PI4K2B: variants seen among roughly 807,000 people sequenced by gnomAD.
The protein encoded by PI4K2B is phosphatidylinositol 4-kinase type 2-beta.
PI4K2B carries 46 observed loss-of-function variants against 56.6 expected under a neutral mutation model. That is an observed-to-expected ratio of 0.81 (90% CI 0.64 to 1.04). PI4K2B has a LOEUF of 1.04. Ranked by LOEUF, PI4K2B falls within the 50% of genes least tolerant of loss-of-function variation. PI4K2B has a pLI of 0.00. For missense variants in PI4K2B, 556 were observed against 607.7 expected (o/e 0.91, Z 0.89); for synonymous variants, 211 against 223.8 (o/e 0.94, Z 0.51).
intron 6 of PI4K2B, among the ~76,000 whole-genome samples, chr4:25,260,869 AT>A (rs60224286): frequency 0.14 from 14,395 of 105,464 alleles, 795 homozygotes; most frequent in East Asian, 0.25. Context: ...TTGATTCTTG[AT>A]TTTTTTTTTT....
At chr4:25,258,260 T>G (rs1041885589) in intron 4 of PI4K2B, among the ~76,000 whole-genome samples, 10 of 144,908 alleles carry the variant, frequency 6.9e-5, no homozygotes, top group African/African-American at 2.5e-4. Flanking sequence ...TAGGTTGGAG[T>G]GCAGTGGTGC....
At position 25,272,687 on chromosome 4, in the gene PI4K2B, A is replaced by C. The variant is rs140611822; in HGVS notation, c.1272+3484A>C. Among the ~76,000 whole-genome samples the C allele has an allele frequency of 2.5e-3, 383 of 152,150 alleles. 2 individuals are homozygous for C. The highest frequency in any genetic ancestry group is 0.013 in the South Asian group (62 of 4,826). On this transcript the variant is annotated intron_variant, in intron 9 of 9. Transcript: ENST00000264864. ...ACCAAGACCTCATCTCTTAAGAAGA[A>C]GGGAAAAAAAGATCTAAAAAATCAG... is the stretch of plus-strand genomic sequence containing the variant.
intron 1 of PI4K2B, among the ~76,000 whole-genome samples, chr4:25,249,572 C>T (rs1277114639): frequency 6.9e-6 from 1 of 145,924 alleles, no homozygotes; most frequent in African/African-American, 2.6e-5. Flanking sequence ...GGGCTCCTCA[C>T]TTCCCAGATG....
chr4:25,263,598 TG>T, intron 6 of PI4K2B, 151 bp from the exon 7 acceptor site: 1 of 434,092 alleles, frequency 2.3e-6, no homozygotes. Context: ...CTTCCATTCC[TG>T]TGTGAATTTG....
At chr4:25,237,298 A>G (rs1230999165) in intron 1 of PI4K2B, among the ~76,000 whole-genome samples, 1 of 152,068 alleles carries the variant, frequency 6.6e-6, no homozygotes, top group East Asian at 1.9e-4. Flanking sequence ...TATGCTTCAT[A>G]TATATTAATT....
chr4:25,276,268 A>G (rs949632123), intron 9 of PI4K2B: 2 of 243,356 alleles, frequency 8.2e-6, no homozygotes, highest in African/African-American at 2.3e-5. Context: ...CCTTATTTGC[A>G]TGCCCAAGTA....
chr4:25,274,011 T>G (rs1717007661), intron 9 of PI4K2B, among the ~76,000 whole-genome samples: 1 of 152,166 alleles, frequency 6.6e-6, no homozygotes, highest in African/African-American at 2.4e-5. Context: ...GAAACAGTTT[T>G]TCTTCCAACA....
In PI4K2B at chr4:25,243,211, G is replaced by A. The variant is rs181621736; in HGVS notation, c.268+8780G>A. ...GATGACATGAGCTGGCGCTTGCCCC[G>A]GGCACCCTCAGTCCTGTTGTTGGAT... On this transcript the variant is annotated intron_variant, in intron 1 of 9. Coordinates refer to ENST00000264864, the MANE Select transcript of PI4K2B (RefSeq NM_018323.4). Among the ~76,000 whole-genome samples, 539 of 152,254 alleles carry A rather than the reference G, an allele frequency of 3.5e-3. 9 individuals are homozygous for A. The highest frequency in any genetic ancestry group is 0.032 in the Admixed American group (489 of 15,292).
At chr4:25,248,015 A>AT (rs1715869268) in intron 1 of PI4K2B, among the ~76,000 whole-genome samples, 2 of 152,054 alleles carry the variant, frequency 1.3e-5, no homozygotes, top group Admixed American at 6.6e-5. Flanking sequence ...GTGAACATCT[A>AT]TTTTTTTCTG....
rs1715943144 is a variant in PI4K2B, at chr4:25,249,424, GCTGGCCGGGCGGGGGCTGCCCCCCGC to G, written c.269-2894_269-2869del. ...GCCCCTCCACCCCCCGGACAGGGCG[GCTGGCCGGGCGGGGGCTGCCCCCCGC>G]CTCCCGGATGGGGCGGCTGGCCGGG... On this transcript the variant is annotated intron_variant, in intron 1 of 9. Transcript: ENST00000264864. 8.1e-5 allele frequency among the ~76,000 whole-genome samples: 12 copies of G among 147,984 alleles called. No homozygotes were observed. The East Asian group carries it at 1.7e-3, about 21-fold the overall frequency.
At chr4:25,242,269 A>G (rs1715556787) in intron 1 of PI4K2B, among the ~76,000 whole-genome samples, 2 of 152,196 alleles carry the variant, frequency 1.3e-5, no homozygotes, top group South Asian at 4.1e-4. Flanking sequence ...AGCCAAAAGT[A>G]AATCATCCAC....
chr4:25,264,633 G>T (rs1331721334), intron 7 of PI4K2B, among the ~76,000 whole-genome samples: 28 of 151,602 alleles, frequency 1.8e-4, no homozygotes, highest in Admixed American at 1.8e-3. Context: ...GCACTTTGGG[G>T]GCTGAGGCTA....
At chr4:25,248,977 G>A (rs1429520877) in intron 1 of PI4K2B, among the ~76,000 whole-genome samples, 1 of 152,096 alleles carries the variant, frequency 6.6e-6, no homozygotes, top group African/African-American at 2.4e-5. Flanking sequence ...CAGTGTTTGT[G>A]TCTCTGGGTA....
intron 1 of PI4K2B, among the ~76,000 whole-genome samples, chr4:25,248,235 C>A (rs1253452796): frequency 6.6e-6 from 1 of 152,100 alleles, no homozygotes; most frequent in African/African-American, 2.4e-5. Context: ...ATTTTTAGTT[C>A]TCCATTTTTA....
At chr4:25,250,206 G>A (rs985242936) in intron 1 of PI4K2B, among the ~76,000 whole-genome samples, 4 of 152,126 alleles carry the variant, frequency 2.6e-5, no homozygotes, top group Admixed American at 6.5e-5. Flanking sequence ...GAGGGAGACC[G>A]TGCAAAGAAG....
At chr4:25,242,089 T>G (rs1461325082) in intron 1 of PI4K2B, among the ~76,000 whole-genome samples, 3 of 152,232 alleles carry the variant, frequency 2.0e-5, no homozygotes, top group Non-Finnish European at 4.4e-5. Context: ...CAGTATAGGC[T>G]GTATTCGTTC....
At chr4:25,273,627 G>A (rs548141877) in intron 9 of PI4K2B, among the ~76,000 whole-genome samples, 2 of 152,160 alleles carry the variant, frequency 1.3e-5, no homozygotes, top group South Asian at 4.1e-4. Flanking sequence ...TGGCCAATCG[G>A]CAACATTTAG....
At chr4:25,262,003 A>G (rs1170527366) in intron 6 of PI4K2B, among the ~76,000 whole-genome samples, 1 of 152,204 alleles carries the variant, frequency 6.6e-6, no homozygotes, top group Non-Finnish European at 1.5e-5. Context: ...GCTCATATGT[A>G]TAAGCTCCTG....
chr4:25,251,190 A>T (rs1019690842), intron 1 of PI4K2B, among the ~76,000 whole-genome samples: 10 of 152,220 alleles, frequency 6.6e-5, no homozygotes, highest in African/African-American at 2.4e-4. Context: ...AACCTGGGCC[A>T]TTCCAAAGTT....
Sources: gnomAD v4.1 joint callset for allele counts (sites outside exome capture counted in the v4.1 genomes callset) on GRCh38, gnomAD v4.1.1 for gene constraint, MANE v1.5 for transcripts, NCBI Gene and HGNC (gene_info 2026-07-23, HGNC 2026-07-21) for gene names.